CREB5: variants seen among roughly 807,000 people sequenced by gnomAD.
CREB5 encodes the protein cyclic AMP-responsive element-binding protein 5.
CREB5 carries 19 observed loss-of-function variants against 57.1 expected under a neutral mutation model. That is an observed-to-expected ratio of 0.33 (90% CI 0.23 to 0.49). The LOEUF is 0.49. Ranked by LOEUF, CREB5 falls within the 20% of genes least tolerant of loss-of-function variation. The pLI is 0.99. For missense variants in CREB5, 579 were observed against 671.6 expected (o/e 0.86, Z 1.52); for synonymous variants, 238 against 238.3 (o/e 1.00, Z 0.01).
At position 28,412,691 on chromosome 7, in the gene CREB5, G is replaced by T; in HGVS notation, c.-224G>T. On this transcript the variant is annotated 5_prime_UTR_variant, in exon 1 of 11. It adds an upstream start codon to the 5' untranslated region. Transcript: ENST00000357727. ...AGAACGAGGGAGGTACCAGAGTCTA[G>T]GAGGTACCTCTGGGTTGCAGAAGTA... 1 of 395,562 alleles carries T rather than the reference G, an allele frequency of 2.5e-6. No individual in the cohort carries two copies. Among genetic ancestry groups the T allele is most frequent in the Non-Finnish European group, 4.5e-6 (1 of 224,002 alleles). 24.5% of individuals were successfully genotyped at this position (395,562 alleles called of 1,614,324 possible). A position where few individuals can be genotyped will look rare whatever the true frequency, so the allele number is the denominator to read the frequency against.
intron 4 of CREB5, among the ~76,000 whole-genome samples, chr7:28,532,541 G>A (rs1433159516): frequency 6.6e-6 from 1 of 152,180 alleles, no homozygotes; most frequent in Non-Finnish European, 1.5e-5. Context: ...AACTTCAGAG[G>A]GAAAGAGTCC....
chr7:28,360,584 A>G (rs1335929450), intron 1 of CREB5, among the ~76,000 whole-genome samples: 1 of 152,132 alleles, frequency 6.6e-6, no homozygotes, highest in African/African-American at 2.4e-5. Flanking sequence ...AAATAGGGAG[A>G]TGTGGTCAAA....
rs562822704 is a variant in CREB5 at position 28,814,127 on chromosome 7, T to G, written c.1255-3944T>G. ...CACATTTGATTTCTTGTATGCATTTTGAAACATTTGCTATCTGGTTGTTCT... is the reference window on the plus strand; with the variant it reads ...CACATTTGATTTCTTGTATGCATTTGGAAACATTTGCTATCTGGTTGTTCT... On this transcript the variant is annotated intron_variant, in intron 9 of 10. Coordinates refer to ENST00000357727, the MANE Select transcript of CREB5 (RefSeq NM_182898.4). 6.6e-4 allele frequency among the ~76,000 whole-genome samples: 101 copies of G among 152,246 alleles called. 1 individual carries two copies. The highest frequency in any genetic ancestry group is 1.2e-3 in the Non-Finnish European group (80 of 68,042).
intron 1 of CREB5, among the ~76,000 whole-genome samples, chr7:28,395,945 G>T (rs867490238): frequency 2.6e-5 from 4 of 152,142 alleles, no homozygotes; most frequent in Admixed American, 6.5e-5. Flanking sequence ...AACGCCAACT[G>T]CAGAAAGAAA....
At chr7:28,766,042 A>C (rs1225898722) in intron 7 of CREB5, among the ~76,000 whole-genome samples, 1 of 151,964 alleles carries the variant, frequency 6.6e-6, no homozygotes, top group Non-Finnish European at 1.5e-5. Context: ...TCTTGGAGCT[A>C]CATTTTTTCA....
intron 7 of CREB5, among the ~76,000 whole-genome samples, chr7:28,757,895 G>T (rs1805426457): frequency 6.6e-6 from 1 of 152,258 alleles, no homozygotes; most frequent in Middle Eastern, 3.4e-3. Context: ...TCGCGGTGAT[G>T]CTCAAAATGT....
intron 5 of CREB5, among the ~76,000 whole-genome samples, chr7:28,692,374 A>C (rs1347378843): frequency 6.6e-6 from 1 of 152,218 alleles, no homozygotes; most frequent in African/African-American, 2.4e-5. Flanking sequence ...AGGCAGGCAG[A>C]TCACTTGAGG....
At chr7:28,635,326 C>A (rs1798375202) in intron 5 of CREB5, among the ~76,000 whole-genome samples, 2 of 152,158 alleles carry the variant, frequency 1.3e-5, no homozygotes, top group South Asian at 2.1e-4. Context: ...CTATATCTTA[C>A]CCTCATTTAT....
intron 4 of CREB5, among the ~76,000 whole-genome samples, chr7:28,562,051 A>G (rs556053675): frequency 6.2e-4 from 94 of 152,312 alleles, no homozygotes; most frequent in Non-Finnish European, 1.2e-3. Flanking sequence ...TGCCAATTAC[A>G]TCATTTTTAA....
At chr7:28,532,741 T>C (rs61184444) in intron 4 of CREB5, among the ~76,000 whole-genome samples, 3,360 of 152,342 alleles carry the variant, frequency 0.022, 98 homozygotes, top group African/African-American at 0.076. Flanking sequence ...CAGGATAACA[T>C]AGTGGTAAGA....
chr7:28,724,581 T>A (rs1803233192), intron 7 of CREB5: 1 of 449,998 alleles, frequency 2.2e-6, no homozygotes, highest in African/African-American at 2.0e-5. Context: ...TTTTGGTAGA[T>A]CCATACAAGT....
intron 1 of CREB5, among the ~76,000 whole-genome samples, chr7:28,351,803 A>G (rs183784993): frequency 1.8e-4 from 28 of 152,346 alleles, no homozygotes; most frequent in African/African-American, 5.8e-4. Context: ...GGTATTCAAG[A>G]AAGTTATGTG....
At chr7:28,680,765 T>G (rs1282278273) in intron 5 of CREB5, among the ~76,000 whole-genome samples, 2 of 111,862 alleles carry the variant, frequency 1.8e-5, no homozygotes. Context: ...TATCAACCTA[T>G]CTCAAAAAAA....
At chr7:28,529,238 C>T in intron 4 of CREB5, among the ~76,000 whole-genome samples, 1 of 152,194 alleles carries the variant, frequency 6.6e-6, no homozygotes, top group East Asian at 1.9e-4. Context: ...CCCAAGAATG[C>T]ACGAGAGTGG....
intron 5 of CREB5, among the ~76,000 whole-genome samples, chr7:28,690,548 G>A (rs1801197310): frequency 6.6e-6 from 1 of 152,190 alleles, no homozygotes; most frequent in African/African-American, 2.4e-5. Context: ...CTTACTGGCT[G>A]TGTGACTTTG....
At chr7:28,462,990 G>GT (rs1412795370) in intron 1 of CREB5, among the ~76,000 whole-genome samples, 2 of 151,740 alleles carry the variant, frequency 1.3e-5, no homozygotes, top group East Asian at 1.9e-4. Flanking sequence ...AGGATTTTTT[G>GT]TTTTTTATTT....
intron 7 of CREB5, among the ~76,000 whole-genome samples, chr7:28,757,533 C>A (rs1332280148): frequency 6.6e-6 from 1 of 151,946 alleles, no homozygotes; most frequent in Non-Finnish European, 1.5e-5. Context: ...ATTAGCCAGG[C>A]GTGGTGGCGG....
At chr7:28,742,356 G>C (rs1804410397) in intron 7 of CREB5, among the ~76,000 whole-genome samples, 1 of 152,066 alleles carries the variant, frequency 6.6e-6, no homozygotes, top group Non-Finnish European at 1.5e-5. Context: ...CATGAGGTCA[G>C]GAGATCGAGA....
chr7:28,707,559 A>G (rs940368931), intron 5 of CREB5, among the ~76,000 whole-genome samples: 6 of 152,174 alleles, frequency 3.9e-5, no homozygotes, highest in African/African-American at 7.2e-5. Context: ...GTCAGCCACT[A>G]TGTCTGGAAT....
Sources: gnomAD v4.1 joint callset for allele counts (sites outside exome capture counted in the v4.1 genomes callset) on GRCh38, gnomAD v4.1.1 for gene constraint, MANE v1.5 for transcripts, NCBI Gene and HGNC (gene_info 2026-07-23, HGNC 2026-07-21) for gene names.